Variants in DCAF8L2 observed in about 807,000 individuals in gnomAD.
DCAF8L2 encodes DDB1- and CUL4-associated factor 8-like protein 2.
For missense variants in DCAF8L2, 430 were observed against 490.7 expected, an observed-to-expected ratio of 0.88 and a Z score of 1.17; for synonymous variants, 200 against 190.9, an observed-to-expected ratio of 1.05 and a Z score of -0.39.
intron 1 of DCAF8L2, among the ~76,000 whole-genome samples, chrX:27,615,345 C>G (rs1927410096): frequency 9.0e-6 from 1 of 111,304 alleles, no homozygotes; most frequent in Admixed American, 9.6e-5. Flanking sequence ...CATAATGAAT[C>G]AATGTAATTT....
At chrX:27,724,719 C>T (rs1020906734) in intron 4 of DCAF8L2, among the ~76,000 whole-genome samples, 3 of 111,200 alleles carry the variant, frequency 2.7e-5, no homozygotes, top group Non-Finnish European at 5.7e-5. Flanking sequence ...GCTACAGAAT[C>T]AATTCTCCAA....
intron 4 of DCAF8L2, among the ~76,000 whole-genome samples, chrX:27,738,705 G>A (rs1175024600): frequency 8.9e-6 from 1 of 111,932 alleles, no homozygotes; most frequent in Non-Finnish European, 1.9e-5. Context: ...CAAGTGGCCT[G>A]ATCTGCTTCC....
intron 4 of DCAF8L2, among the ~76,000 whole-genome samples, chrX:27,739,643 C>A (rs1163416804): frequency 1.8e-5 from 2 of 111,750 alleles, no homozygotes; most frequent in Non-Finnish European, 3.8e-5. Flanking sequence ...ACATGTGTAT[C>A]CAATTGCCAA....
intron 3 of DCAF8L2, among the ~76,000 whole-genome samples, chrX:27,686,824 A>G (rs764734058): frequency 3.6e-5 from 4 of 112,413 alleles, no homozygotes; most frequent in African/African-American, 1.3e-4. Flanking sequence ...CAATTTTTCT[A>G]CGGACTGGGT....
chrX:27,514,444 C>T, the DCAF8L2 span, among the ~76,000 whole-genome samples: 4 of 108,236 alleles, frequency 3.7e-5, no homozygotes, highest in African/African-American at 6.7e-5. Flanking sequence ...CCAAGGCAGG[C>T]GGATCACGAG....
At chrX:27,700,494 T>C (rs904861062) in intron 3 of DCAF8L2, among the ~76,000 whole-genome samples, 2 of 111,218 alleles carry the variant, frequency 1.8e-5, no homozygotes, top group African/African-American at 6.5e-5. Context: ...GGGAAAACCA[T>C]TGACTTATAG....
chrX:27,635,108 A>G (rs1928447962), intron 2 of DCAF8L2, among the ~76,000 whole-genome samples: 1 of 111,270 alleles, frequency 9.0e-6, no homozygotes, highest in Non-Finnish European at 1.9e-5. Flanking sequence ...TGTTATTTTT[A>G]TTATCACTCT....
chrX:27,584,012 G>A, the DCAF8L2 span, among the ~76,000 whole-genome samples: 1 of 111,759 alleles, frequency 8.9e-6, no homozygotes, highest in Admixed American at 9.6e-5. Flanking sequence ...CTCTGTGCTT[G>A]CACTATAGCA....
chrX:27,740,505 C>T (rs1182411230), intron 4 of DCAF8L2, among the ~76,000 whole-genome samples: 3 of 110,033 alleles, frequency 2.7e-5, no homozygotes. Context: ...TAAAATAAAG[C>T]ACTATAATTC....
intron 4 of DCAF8L2, among the ~76,000 whole-genome samples, chrX:27,729,313 A>G (rs1365963333): frequency 2.7e-5 from 3 of 112,018 alleles, no homozygotes; most frequent in African/African-American, 9.8e-5. Flanking sequence ...ATTTTAAGAA[A>G]TGTATTCAGT....
At chrX:27,617,059 A>G (rs755410478) in intron 1 of DCAF8L2, among the ~76,000 whole-genome samples, 6 of 111,473 alleles carry the variant, frequency 5.4e-5, no homozygotes, top group African/African-American at 1.6e-4. Flanking sequence ...TTGGGTTAAT[A>G]TCACTCCCTC....
At chrX:27,539,405 A>G in the DCAF8L2 span, among the ~76,000 whole-genome samples, 1 of 111,192 alleles carries the variant, frequency 9.0e-6, no homozygotes, top group Non-Finnish European at 1.9e-5. Flanking sequence ...ATTCAGTACA[A>G]GCAGAGAGAA....
rs191041418 is a variant in DCAF8L2, at chrX:27,648,619, T to G, written c.-220+16619T>G. ...TCATGAACAAAAATATGCAAACATT[T>G]TAAAAGAGGAATTTAGAATTGCACA... On this transcript the variant is annotated intron_variant, in intron 2 of 4. Transcript: ENST00000451261. Among the ~76,000 whole-genome samples the G allele has an allele frequency of 5.5e-5, 6 of 109,875 alleles. No homozygotes were observed. In the East Asian group the frequency reaches 1.1e-3, roughly 21 times the overall value.
the DCAF8L2 span, among the ~76,000 whole-genome samples, chrX:27,505,128 A>G: frequency 9.0e-6 from 1 of 111,663 alleles, no homozygotes; most frequent in Non-Finnish European, 1.9e-5. Flanking sequence ...TACTCATGAA[A>G]TTATTTAAGC....
chrX:27,623,653 A>G (rs1394712640), intron 1 of DCAF8L2, among the ~76,000 whole-genome samples: 1 of 111,742 alleles, frequency 8.9e-6, no homozygotes, highest in Admixed American at 9.6e-5. Context: ...AAATAAATTT[A>G]TATTTAAAAG....
chrX:27,494,312 A>C, the DCAF8L2 span, among the ~76,000 whole-genome samples: 1 of 111,360 alleles, frequency 9.0e-6, no homozygotes, highest in Admixed American at 9.6e-5. Flanking sequence ...AGGCTGAGGC[A>C]GGAGAATCGC....
the DCAF8L2 span, among the ~76,000 whole-genome samples, chrX:27,554,500 G>A: frequency 8.9e-6 from 1 of 111,959 alleles, no homozygotes; most frequent in Non-Finnish European, 1.9e-5. Context: ...GCAGCAGGCC[G>A]AAACCATTGT....
At chrX:27,481,959 G>A in the DCAF8L2 span, among the ~76,000 whole-genome samples, 118 of 111,551 alleles carry the variant, frequency 1.1e-3, no homozygotes, top group Non-Finnish European at 1.9e-3. Flanking sequence ...TGTCATTTGT[G>A]ATCTTGTTTA....
the DCAF8L2 span, among the ~76,000 whole-genome samples, chrX:27,484,349 T>G: frequency 1.8e-5 from 2 of 111,670 alleles, no homozygotes; most frequent in Admixed American, 9.6e-5. Flanking sequence ...CACAAATCCT[T>G]TTATATTTAA....
Sources: gnomAD v4.1 joint callset for allele counts (sites outside exome capture counted in the v4.1 genomes callset) on GRCh38, gnomAD v4.1.1 for gene constraint, MANE v1.5 for transcripts, NCBI Gene and HGNC (gene_info 2026-07-23, HGNC 2026-07-21) for gene names.